TMCO5A: variants seen among roughly 807,000 people sequenced by gnomAD.
The protein encoded by TMCO5A is transmembrane and coiled-coil domains 5A.
A neutral mutation model predicts 42.3 loss-of-function variants in TMCO5A; 34 were observed. The observed-to-expected ratio is 0.80, with a 90% CI of 0.61 to 1.07. The LOEUF is 1.07. Ranked by LOEUF, TMCO5A falls within the 50% of genes least tolerant of loss-of-function variation. The pLI, the probability that TMCO5A is intolerant of heterozygous loss-of-function variation, is 0.00. For synonymous variants in TMCO5A, 131 were observed against 115.6 expected (o/e 1.13, Z -0.86); for missense variants, 357 against 327.9 (o/e 1.09, Z -0.69).
downstream of TMCO5A, among the ~76,000 whole-genome samples, chr15:37,970,887 G>A (rs904908947): frequency 2.0e-5 from 3 of 152,228 alleles, no homozygotes; most frequent in Non-Finnish European, 4.4e-5. Flanking sequence ...CTCTGCCCCT[G>A]TGGCTTTGCA....
the TMCO5A span, among the ~76,000 whole-genome samples, chr15:37,991,468 G>C: frequency 6.6e-6 from 1 of 152,026 alleles, no homozygotes; most frequent in African/African-American, 2.4e-5. Flanking sequence ...TTTTGAGCTT[G>C]ATAAATGTTT....
rs1889815404 is a variant in TMCO5A, at chr15:37,943,220, A to G, written c.570-121A>G. ...TTAATTTAAATAGCTATAGGTAGAC[A>G]GTAGTTACAATATTGGACAGTACAG... On this transcript the variant is annotated intron_variant, in intron 9 of 11. Coordinates refer to ENST00000319669, the MANE Select transcript of TMCO5A (RefSeq NM_152453.4). 9.0e-6 allele frequency: 7 copies of G among 777,346 alleles called. No individual in the cohort carries two copies. The East Asian group carries it at 2.0e-4, about 22-fold the overall frequency. 48.2% of individuals were successfully genotyped at this position (777,346 alleles called of 1,614,324 possible). A position where few individuals can be genotyped will look rare whatever the true frequency, so the allele number is the denominator to read the frequency against.
At chr15:38,033,852 G>A in the TMCO5A span, among the ~76,000 whole-genome samples, 2 of 152,106 alleles carry the variant, frequency 1.3e-5, no homozygotes, top group African/African-American at 2.4e-5. Context: ...GACCTCAAGT[G>A]ATCCACCCTC....
chr15:37,956,345 C>T (rs1157243652), downstream of TMCO5A, among the ~76,000 whole-genome samples: 1 of 152,078 alleles, frequency 6.6e-6, no homozygotes, highest in Non-Finnish European at 1.5e-5. Flanking sequence ...AGATAGACCA[C>T]TAGCCAGACT....
the TMCO5A span, among the ~76,000 whole-genome samples, chr15:38,014,835 GAACT>G: frequency 5.0e-5 from 6 of 118,886 alleles, no homozygotes; most frequent in East Asian, 1.6e-3. Flanking sequence ...TAGAGGAACA[GAACT>G]AATAGGAGAA....
At chr15:37,992,111 G>T in the TMCO5A span, among the ~76,000 whole-genome samples, 1 of 152,068 alleles carries the variant, frequency 6.6e-6, no homozygotes, top group African/African-American at 2.4e-5. Context: ...TCTGACAAAG[G>T]TCTAATATCC....
At chr15:37,958,626 C>G (rs907145556) in intron 11 of TMCO5A, among the ~76,000 whole-genome samples, 11 of 152,076 alleles carry the variant, frequency 7.2e-5, no homozygotes, top group Non-Finnish European at 1.2e-4. Flanking sequence ...ACAACAGATG[C>G]TGGGGAGAAT....
chr15:37,941,373 G>A (rs1307013096), intron 7 of TMCO5A, among the ~76,000 whole-genome samples, 168 bp downstream of exon 7: 1 of 152,044 alleles, frequency 6.6e-6, no homozygotes, highest in Non-Finnish European at 1.5e-5. Context: ...CCCTGAGGTT[G>A]CTTTCTCTTC....
chr15:37,959,062 T>C (rs1346726572), intron 11 of TMCO5A, among the ~76,000 whole-genome samples: 2 of 151,184 alleles, frequency 1.3e-5, no homozygotes, highest in Non-Finnish European at 2.9e-5. Flanking sequence ...AAGTGGGAGT[T>C]GAACAAGAGA....
At chr15:37,981,200 C>CAAAAAAAAAAAAAAAAAAA in the TMCO5A span, among the ~76,000 whole-genome samples, 4 of 65,346 alleles carry the variant, frequency 6.1e-5, no homozygotes, top group African/African-American at 2.2e-4. Context: ...AGAAAGCCAG[C>CAAAAAAAAAAAAAAAAAAA]AAAAAAAAAA....
In TMCO5A at chr15:37,941,716, G is replaced by A. The variant is rs1595589742; in HGVS notation, c.490G>A (p.Ala164Thr). 3 of 1,611,516 alleles carry A rather than the reference G, an allele frequency of 1.9e-6. No individual in the cohort carries two copies. The highest frequency in any genetic ancestry group is 4.5e-5 in the East Asian group (2 of 44,794). ...AFVTQLCEDQALYIKKYQETL... is the reference protein window; with the variant it reads ...AFVTQLCEDQTLYIKKYQETL... The stretch of plus-strand genomic sequence containing the variant: ...TGTGACCCAGCTCTGTGAAGATCAA[G>A]CCCTCTACATAAAGGTAGAGCTTCT... Residue 164 changes from alanine (A) to threonine (T), a missense_variant, in exon 8 of 12, where the codon GCC becomes ACC. Coordinates refer to ENST00000319669, the MANE Select transcript of TMCO5A (RefSeq NM_152453.4).
At chr15:37,969,252 C>T (rs1224041221), downstream of TMCO5A, among the ~76,000 whole-genome samples, 1 of 152,166 alleles carries the variant, frequency 6.6e-6, no homozygotes, top group Non-Finnish European at 1.5e-5. Context: ...GGACTAAAAA[C>T]ATTTTCCATC....
At chr15:37,963,609 C>G (rs67917392) in intron 11 of TMCO5A, among the ~76,000 whole-genome samples, 29,204 of 152,024 alleles carry the variant, frequency 0.19, 3,250 homozygotes, top group African/African-American at 0.3. Context: ...TTTCTTTGTT[C>G]ACTTTCTGTG....
the TMCO5A span, among the ~76,000 whole-genome samples, chr15:38,011,016 G>C: frequency 1.3e-5 from 2 of 152,158 alleles, no homozygotes; most frequent in South Asian, 4.1e-4. Flanking sequence ...CAAAGTGCTG[G>C]GATCACAGGC....
the TMCO5A span, among the ~76,000 whole-genome samples, chr15:38,016,685 G>A: frequency 1.3e-5 from 2 of 152,092 alleles, no homozygotes; most frequent in Admixed American, 1.3e-4. Flanking sequence ...ATATAATAAG[G>A]CCTAAGTTAT....
At chr15:38,013,222 T>G in the TMCO5A span, among the ~76,000 whole-genome samples, 1 of 152,122 alleles carries the variant, frequency 6.6e-6, no homozygotes, top group East Asian at 1.9e-4. Context: ...GAAGCCACCT[T>G]TCCAGGAAGC....
chr15:38,017,857 G>T, the TMCO5A span, among the ~76,000 whole-genome samples: 74,840 of 151,864 alleles, frequency 0.49, 19,735 homozygotes, highest in East Asian at 0.85. Context: ...AATCATGAGA[G>T]TGGACTTCCC....
At chr15:38,039,104 G>GGAAAAAATGCAGGTT in the TMCO5A span, among the ~76,000 whole-genome samples, 1 of 152,126 alleles carries the variant, frequency 6.6e-6, no homozygotes, top group South Asian at 2.1e-4. Context: ...AGAGGCAGGT[G>GGAAAAAATGCAGGTT]GAAAAAATGC....
At chr15:37,980,379 C>G in the TMCO5A span, among the ~76,000 whole-genome samples, 15 of 152,152 alleles carry the variant, frequency 9.9e-5, no homozygotes, top group African/African-American at 3.6e-4. Flanking sequence ...TGCCCAGGCT[C>G]CAAGCAGCTC....
Sources: allele counts gnomAD v4.1 joint callset (sites outside exome capture counted in the v4.1 genomes callset), GRCh38; gene constraint gnomAD v4.1.1; transcripts MANE v1.5; gene names NCBI Gene and HGNC (gene_info 2026-07-23, HGNC 2026-07-21).